Variants in STK3 observed in about 807,000 individuals in gnomAD.
The protein encoded by STK3 is serine/threonine-protein kinase 3.
STK3 carries 41 observed loss-of-function variants against 58.0 expected under a neutral mutation model. The ratio of observed to expected loss-of-function variants is 0.71; its 90% CI spans 0.55 to 0.92. The LOEUF is 0.92. STK3 is among the 40% of genes least tolerant of loss of function. The pLI is 0.00. For missense variants in STK3, 479 were observed against 602.7 expected (o/e 0.79, Z 2.15); for synonymous variants, 170 against 191.0 (o/e 0.89, Z 0.91).
chr8:98,919,677 A>C (rs1232704915), intron 1 of STK3, among the ~76,000 whole-genome samples: 1 of 152,226 alleles, frequency 6.6e-6, no homozygotes, highest in African/African-American at 2.4e-5. Flanking sequence ...AATGCAATGG[A>C]AGAGTGGAGG....
At chr8:98,357,668 C>G in the STK3 span, among the ~76,000 whole-genome samples, 6 of 152,164 alleles carry the variant, frequency 3.9e-5, no homozygotes, top group Non-Finnish European at 5.9e-5. Flanking sequence ...TAGTTGATAC[C>G]CTTCTAATGG....
chr8:98,536,108 A>G (rs1809745601), intron 9 of STK3, among the ~76,000 whole-genome samples: 1 of 152,154 alleles, frequency 6.6e-6, no homozygotes, highest in South Asian at 2.1e-4. Context: ...CGTGCTCCTG[A>G]CAACATCCCA....
intron 6 of STK3, among the ~76,000 whole-genome samples, chr8:98,622,066 C>A (rs968150214): frequency 6.9e-6 from 1 of 145,610 alleles, no homozygotes; most frequent in Admixed American, 7.0e-5. Flanking sequence ...GAGTTCAAGA[C>A]CAGCTTGGCC....
intron 8 of STK3, among the ~76,000 whole-genome samples, chr8:98,551,318 T>C (rs900472724): frequency 7.2e-5 from 11 of 152,180 alleles, no homozygotes; most frequent in African/African-American, 1.9e-4. Context: ...TTTTGCAAAA[T>C]CTTTTATAAA....
intron 1 of STK3, among the ~76,000 whole-genome samples, chr8:98,824,498 G>A (rs1343149831): frequency 6.6e-6 from 1 of 152,204 alleles, no homozygotes; most frequent in Non-Finnish European, 1.5e-5. Context: ...TTAAAACGGT[G>A]CCCAATGAGT....
intron 6 of STK3, among the ~76,000 whole-genome samples, chr8:98,654,959 T>G (rs528121564): frequency 2.0e-5 from 3 of 152,212 alleles, no homozygotes. Context: ...ACCAGTGACT[T>G]TCTTCACAGA....
rs1818279922 is a variant in STK3 at position 98,428,562 on chromosome 8, C to T, written n.483+5565G>A. 1 of 1,614,058 alleles carries T rather than the reference C, an allele frequency of 6.2e-7. No homozygotes were observed. Among genetic ancestry groups the T allele is most frequent in the African/African-American group, 1.3e-5 (1 of 74,920 alleles). On this transcript the variant is annotated intron_variant and non_coding_transcript_variant, in intron 3 of 3. Transcript: ENST00000517832. This position sits in a 1 kb window ranked among gnomAD's most constrained non-coding sequence, Gnocchi z 6.7. ...CAGGGTCTTCAGCATCCTGTCCATC[C>T]TGGTGGTGATGGGGTCCATCATCAC...
At chr8:98,822,586 A>G (rs2131739297) in intron 1 of STK3, among the ~76,000 whole-genome samples, 1 of 152,376 alleles carries the variant, frequency 6.6e-6, no homozygotes, top group South Asian at 2.1e-4. Context: ...CAGGCTAGAA[A>G]GTACTCAGAA....
At chr8:98,505,523 T>C (rs1171471118) in intron 10 of STK3, among the ~76,000 whole-genome samples, 2 of 152,228 alleles carry the variant, frequency 1.3e-5, no homozygotes, top group African/African-American at 4.8e-5. Context: ...CTTATCTTTG[T>C]GGTTTTTATC....
At chr8:98,454,193 A>C (rs886706808), downstream of STK3, among the ~76,000 whole-genome samples, 2 of 152,232 alleles carry the variant, frequency 1.3e-5, no homozygotes, top group African/African-American at 4.8e-5. Context: ...GACAGACATT[A>C]GTGAACTCAT....
chr8:98,376,056 G>A (rs1471669709), intron 2 of STK3, among the ~76,000 whole-genome samples: 2 of 152,178 alleles, frequency 1.3e-5, no homozygotes, highest in African/African-American at 2.4e-5. Context: ...GAGCATTTTA[G>A]TTGTTCCATA....
At chr8:98,777,950 A>T (rs1831813849) in intron 1 of STK3, among the ~76,000 whole-genome samples, 1 of 152,242 alleles carries the variant, frequency 6.6e-6, no homozygotes, top group Non-Finnish European at 1.5e-5. Context: ...AGGCAATACC[A>T]TTCAGGACAT....
intron 3 of STK3, among the ~76,000 whole-genome samples, chr8:98,849,465 A>G (rs896239680): frequency 6.6e-6 from 1 of 152,106 alleles, no homozygotes; most frequent in African/African-American, 2.4e-5. Context: ...TTAGGGCCTA[A>G]GACTTGCTGC....
intron 1 of STK3, among the ~76,000 whole-genome samples, chr8:98,808,610 CA>C (rs1834026336): frequency 6.6e-6 from 1 of 152,110 alleles, no homozygotes; most frequent in South Asian, 2.1e-4. Context: ...TTCAGTGATC[CA>C]TACATTCAGC....
At chr8:98,702,603 T>G (rs1825704080) in intron 6 of STK3, among the ~76,000 whole-genome samples, 1 of 152,128 alleles carries the variant, frequency 6.6e-6, no homozygotes, top group African/African-American at 2.4e-5. Context: ...CTAAACACGG[T>G]AAAAGGCTGA....
At chr8:98,587,737 C>G (rs1814785273) in intron 7 of STK3, among the ~76,000 whole-genome samples, 1 of 152,070 alleles carries the variant, frequency 6.6e-6, no homozygotes, top group South Asian at 2.1e-4. Flanking sequence ...GAGTCTAAGT[C>G]TCTTTGTAGG....
chr8:98,523,774 T>C (rs1825554371), intron 10 of STK3, among the ~76,000 whole-genome samples: 1 of 152,148 alleles, frequency 6.6e-6, no homozygotes, highest in Non-Finnish European at 1.5e-5. Context: ...TCTTATCAGA[T>C]ATATGATTTA....
chr8:98,393,462 A>T (rs1186912182), intron 3 of STK3, among the ~76,000 whole-genome samples: 1 of 152,098 alleles, frequency 6.6e-6, no homozygotes, highest in Non-Finnish European at 1.5e-5. Flanking sequence ...TGGACTCCTC[A>T]TCTCCTTGAT....
intron 6 of STK3, among the ~76,000 whole-genome samples, chr8:98,654,933 C>T (rs1267283902): frequency 6.6e-6 from 1 of 152,034 alleles, no homozygotes; most frequent in Non-Finnish European, 1.5e-5. Context: ...AGATTCAATG[C>T]CATCCCCATC....
Sources: allele counts gnomAD v4.1 joint callset (sites outside exome capture counted in the v4.1 genomes callset), GRCh38; gene constraint gnomAD v4.1.1; non-coding constraint Gnocchi (gnomAD v3.1); transcripts MANE v1.5; gene names NCBI Gene and HGNC (gene_info 2026-07-23, HGNC 2026-07-21).